The following RSPH3 variants were observed in gnomAD, a reference collection of about 807,000 sequenced individuals.
The protein encoded by RSPH3 is radial spoke head 3.
A neutral mutation model predicts 43.8 loss-of-function variants in RSPH3; 21 were observed. The observed-to-expected ratio is 0.48, with a 90% CI of 0.34 to 0.69. The LOEUF (loss-of-function observed/expected upper bound fraction) is 0.69. Among genes scored for constraint, RSPH3 ranks in the 30% least tolerant of loss-of-function variants. The pLI is 0.01. For missense variants in RSPH3, 487 were observed against 516.0 expected (o/e 0.94, Z 0.54); for synonymous variants, 173 against 179.8 (o/e 0.96, Z 0.30).
In RSPH3 at chr6:158,987,490, AC is replaced by A. The variant is rs571753097; in HGVS notation, c.205-1070del. On this transcript the variant is annotated intron_variant, in intron 2 of 7. Transcript: ENST00000367069. ...GTTATTATTGATAAAGCAAGGACTT[AC>A]TACTACCATTCTGTTGCTTATTTTC... Among the ~76,000 whole-genome samples, 22 of 152,278 alleles carry A rather than the reference AC, an allele frequency of 1.4e-4. No homozygotes were observed. The East Asian group carries it at 4.2e-3, about 29-fold the overall frequency.
At chr6:158,988,844 A>G (rs1778314995) in intron 2 of RSPH3, among the ~76,000 whole-genome samples, 2 of 152,006 alleles carry the variant, frequency 1.3e-5, no homozygotes, top group South Asian at 2.1e-4. Flanking sequence ...GCTATTTTGA[A>G]TTTTTGGTCA....
chr6:158,970,158 C>G (rs1159024070), downstream of RSPH3, among the ~76,000 whole-genome samples: 2 of 151,940 alleles, frequency 1.3e-5, no homozygotes, highest in African/African-American at 4.8e-5. Flanking sequence ...CTTGTACCAC[C>G]CGTCCAACCT....
rs1175110634 is a variant in RSPH3 at position 158,972,975 on chromosome 6, A to G, written c.*4563T>C. 2.6e-5 allele frequency: 4 copies of G among 152,224 alleles called. No individual in the cohort carries two copies. The highest frequency in any genetic ancestry group is 2.6e-4 in the Admixed American group (4 of 15,284). The allele number at this position is 152,224 out of a possible 1,614,324, so 9.4% of individuals were successfully genotyped here. On this transcript the variant is annotated 3_prime_UTR_variant, in exon 8 of 8. Transcript: ENST00000367069. Reference sequence around the variant, plus strand: ...TCATAGGTACCAATTCAACACCATTAGCACTACTTTCACAATAGTGACACC... The same window carrying G: ...TCATAGGTACCAATTCAACACCATTGGCACTACTTTCACAATAGTGACACC...
At chr6:158,988,292 C>T (rs1422571414) in intron 2 of RSPH3, 1 of 152,198 alleles carries the variant, frequency 6.6e-6, no homozygotes, top group Non-Finnish European at 1.5e-5. Flanking sequence ...CTATTTGCTT[C>T]TTTTCTCTTG....
At chr6:158,992,585 C>T (rs955133818) in intron 2 of RSPH3, among the ~76,000 whole-genome samples, 3 of 151,972 alleles carry the variant, frequency 2.0e-5, no homozygotes, top group Non-Finnish European at 2.9e-5. Flanking sequence ...TGAGCCACCA[C>T]GCCTGGCCTC....
chr6:158,979,856 G>A (rs371749780), intron 6 of RSPH3, among the ~76,000 whole-genome samples: 4 of 152,160 alleles, frequency 2.6e-5, no homozygotes, highest in Admixed American at 2.6e-4. Context: ...TCCACTGGCT[G>A]AGCAGCTAGG....
At chr6:158,966,763 A>AC in the RSPH3 span, among the ~76,000 whole-genome samples, 1 of 151,802 alleles carries the variant, frequency 6.6e-6, no homozygotes, top group Non-Finnish European at 1.5e-5. Context: ...TGCAAAAAAA[A>AC]ACCAAATTTG....
At chr6:158,998,770 C>T (rs1056230929) in intron 1 of RSPH3, among the ~76,000 whole-genome samples, 4 of 134,172 alleles carry the variant, frequency 3.0e-5, no homozygotes, top group Non-Finnish European at 3.1e-5. Context: ...GCAGGAGAAT[C>T]GTTTGATCGG....
chr6:158,967,317 C>G, the RSPH3 span, among the ~76,000 whole-genome samples: 1 of 152,106 alleles, frequency 6.6e-6, no homozygotes, highest in Non-Finnish European at 1.5e-5. Flanking sequence ...CTATTCACCT[C>G]AAATTACTTT....
chr6:158,967,465 C>T, the RSPH3 span, among the ~76,000 whole-genome samples: 1 of 152,138 alleles, frequency 6.6e-6, no homozygotes, highest in East Asian at 1.9e-4. Flanking sequence ...GGAGAACATA[C>T]ATTGTGCAAT....
intron 3 of RSPH3, among the ~76,000 whole-genome samples, chr6:158,985,812 C>T (rs1438467822): frequency 6.7e-6 from 1 of 148,226 alleles, no homozygotes; most frequent in Non-Finnish European, 1.5e-5. Context: ...CTCTCTCTCT[C>T]TCTCTTTTTT....
At chr6:158,979,396 T>C (rs1024739469) in intron 6 of RSPH3, among the ~76,000 whole-genome samples, 13 of 152,176 alleles carry the variant, frequency 8.5e-5, no homozygotes, top group African/African-American at 3.1e-4. Context: ...CTGGTCTCTC[T>C]GGCTAACAGT....
At chr6:158,998,943 A>G (rs1348595115) in intron 1 of RSPH3, among the ~76,000 whole-genome samples, 1 of 152,210 alleles carries the variant, frequency 6.6e-6, no homozygotes, top group Non-Finnish European at 1.5e-5. Flanking sequence ...CCTGCATGGA[A>G]GAATAATCTT....
chr6:158,964,367 T>C, the RSPH3 span, among the ~76,000 whole-genome samples: 100 of 152,336 alleles, frequency 6.6e-4, no homozygotes, highest in African/African-American at 2.4e-3. Flanking sequence ...TCTTTTTCTG[T>C]ATTGTGATTG....
In RSPH3 at chr6:158,999,751, C is replaced by G. The variant is rs138878442; in HGVS notation, c.-201G>C. Reference sequence around the variant, plus strand: ...GGAGCTATACTGGGCTCGCTCCCAGCACCACAGAGACCAGCTGCGGGGGCC... The same window carrying G: ...GGAGCTATACTGGGCTCGCTCCCAGGACCACAGAGACCAGCTGCGGGGGCC... On this transcript the variant is annotated 5_prime_UTR_variant, in exon 1 of 8. Coordinates refer to ENST00000367069, the MANE Select transcript of RSPH3 (RefSeq NM_031924.8). 8.2e-5 allele frequency: 132 copies of G among 1,611,264 alleles called. No homozygotes were observed. The East Asian group carries it at 2.7e-3, about 33-fold the overall frequency.
At chr6:158,968,614 C>G (rs1777657326), downstream of RSPH3, among the ~76,000 whole-genome samples, 1 of 152,110 alleles carries the variant, frequency 6.6e-6, no homozygotes, top group South Asian at 2.1e-4. Context: ...TTAAGACAAT[C>G]TACTTCAGAT....
intron 7 of RSPH3, 104 bp downstream of exon 7, chr6:158,978,156 A>G: frequency 1.4e-6 from 1 of 729,116 alleles, no homozygotes; most frequent in South Asian, 1.7e-5. Flanking sequence ...TGATATACTA[A>G]AAGTTTAAAT....
intron 6 of RSPH3, among the ~76,000 whole-genome samples, chr6:158,979,921 G>A (rs769710754): frequency 6.6e-6 from 1 of 152,200 alleles, no homozygotes; most frequent in Non-Finnish European, 1.5e-5. Context: ...GGGCTCCCTA[G>A]TGGCAGAGAT....
In RSPH3 at chr6:159,000,022, G is replaced by C; in HGVS notation, c.-472C>G. ...CGGTGGCTGTCCTTGGCCCGGCTTT[G>C]GAATGTGGCTTTGCAGGGCTGGTGT... is the stretch of plus-strand genomic sequence containing the variant. On this transcript the variant is annotated 5_prime_UTR_variant, in exon 1 of 8. Coordinates refer to ENST00000367069, the MANE Select transcript of RSPH3 (RefSeq NM_031924.8). The C allele has an allele frequency of 6.6e-7, 1 of 1,526,576 alleles. No homozygotes were observed. Among genetic ancestry groups the C allele is most frequent in the Non-Finnish European group, 8.8e-7 (1 of 1,135,488 alleles). 94.6% of individuals were successfully genotyped at this position (1,526,576 alleles called of 1,614,324 possible).
Sources: gnomAD v4.1 joint callset for allele counts (sites outside exome capture counted in the v4.1 genomes callset) on GRCh38, gnomAD v4.1.1 for gene constraint, MANE v1.5 for transcripts, NCBI Gene and HGNC (gene_info 2026-07-23, HGNC 2026-07-21) for gene names.